Variants in ABCC4 observed in about 807,000 individuals in gnomAD.
ABCC4 encodes the protein ATP-binding cassette sub-family C member 4.
ABCC4 carries 102 observed loss-of-function variants against 168.5 expected under a neutral mutation model. The observed-to-expected ratio is 0.61, with a 90% CI of 0.52 to 0.71. ABCC4 has a LOEUF of 0.71. ABCC4 is among the 30% of genes least tolerant of loss of function. The pLI is 0.00. For synonymous variants in ABCC4, 617 were observed against 590.7 expected (o/e 1.04, Z -0.65); for missense variants, 1,402 against 1,605.8 (o/e 0.87, Z 2.17).
chr13:95,083,334 C>A, intron 20 of ABCC4, 44 bp from the exon 21 acceptor site: 1 of 1,600,448 alleles, frequency 6.2e-7, no homozygotes, highest in Non-Finnish European at 8.5e-7. Context: ...ATCAAGTATT[C>A]TTTTCAAAAA....
At chr13:95,065,079 G>GC (rs910810542) in intron 25 of ABCC4, among the ~76,000 whole-genome samples, 2 of 151,972 alleles carry the variant, frequency 1.3e-5, no homozygotes, top group Non-Finnish European at 1.5e-5. Context: ...ATACCCAACA[G>GC]CCCCCCTCCA....
chr13:95,052,305 A>G (rs1237571549), intron 27 of ABCC4, among the ~76,000 whole-genome samples: 1 of 152,198 alleles, frequency 6.6e-6, no homozygotes, highest in Admixed American at 6.5e-5. Flanking sequence ...TTTAAAAGCA[A>G]AAGACTAAAC....
intron 19 of ABCC4, among the ~76,000 whole-genome samples, chr13:95,133,610 G>A (rs560919473): frequency 6.6e-6 from 1 of 152,166 alleles, no homozygotes; most frequent in South Asian, 2.1e-4. Flanking sequence ...AGAGAGATGA[G>A]ACAGTAACAG....
chr13:95,118,371 G>A (rs572258099), intron 19 of ABCC4, among the ~76,000 whole-genome samples: 6 of 151,842 alleles, frequency 4.0e-5, no homozygotes, highest in Admixed American at 2.0e-4. Context: ...AGCCTCCCGC[G>A]TAGCTGAGAT....
intron 19 of ABCC4, among the ~76,000 whole-genome samples, chr13:95,133,264 C>T (rs2036036542): frequency 6.6e-6 from 1 of 151,696 alleles, no homozygotes; most frequent in Non-Finnish European, 1.5e-5. Context: ...CAGGCGTGCA[C>T]CACCACACCT....
At chr13:95,144,705 A>G (rs965207211) in intron 19 of ABCC4, among the ~76,000 whole-genome samples, 1 of 152,174 alleles carries the variant, frequency 6.6e-6, no homozygotes, top group Non-Finnish European at 1.5e-5. Context: ...CTACATCAAG[A>G]ATTAGAAAAC....
chr13:95,204,342 T>C (rs922005621), intron 8 of ABCC4, among the ~76,000 whole-genome samples: 1 of 152,180 alleles, frequency 6.6e-6, no homozygotes, highest in Non-Finnish European at 1.5e-5. Flanking sequence ...TGATACAGTT[T>C]GGCTCTGTGT....
intron 20 of ABCC4, among the ~76,000 whole-genome samples, chr13:95,102,703 ACTGTCTC>A (rs1383981775): frequency 6.7e-6 from 1 of 149,374 alleles, no homozygotes; most frequent in Non-Finnish European, 1.5e-5. Context: ...CACTGCAACC[ACTGTCTC>A]CTGGATTCAA....
At chr13:95,169,610 T>C (rs1226792587) in intron 14 of ABCC4, among the ~76,000 whole-genome samples, 1 of 152,136 alleles carries the variant, frequency 6.6e-6, no homozygotes, top group African/African-American at 2.4e-5. Context: ...TTCACGTCAC[T>C]GTACCTCAAG....
chr13:95,085,670 A>T, intron 20 of ABCC4, among the ~76,000 whole-genome samples: 1 of 152,178 alleles, frequency 6.6e-6, no homozygotes, highest in African/African-American at 2.4e-5. Context: ...ATCTTGACCC[A>T]CCAGCCCAGC....
intron 4 of ABCC4, among the ~76,000 whole-genome samples, chr13:95,212,372 T>C (rs888645772): frequency 6.6e-6 from 1 of 152,158 alleles, no homozygotes; most frequent in African/African-American, 2.4e-5. Context: ...CAGTCTTACA[T>C]ACAAAATGTT....
At chr13:95,029,455 A>C (rs1429074108) in intron 30 of ABCC4, among the ~76,000 whole-genome samples, 1 of 151,976 alleles carries the variant, frequency 6.6e-6, no homozygotes, top group Non-Finnish European at 1.5e-5. Context: ...AACAAAGTGG[A>C]GAAGAAGGTG....
intron 30 of ABCC4, among the ~76,000 whole-genome samples, chr13:95,027,361 C>G (rs990153902): frequency 6.6e-6 from 1 of 152,026 alleles, no homozygotes; most frequent in African/African-American, 2.4e-5. Context: ...TACTGAAAAG[C>G]ATTTCAAAAA....
chr13:95,217,064 G>C (rs565131611), intron 4 of ABCC4, among the ~76,000 whole-genome samples: 3 of 152,298 alleles, frequency 2.0e-5, no homozygotes, highest in Admixed American at 6.5e-5. Flanking sequence ...GTGAATGGTG[G>C]AAGTAAACAC....
At chr13:95,163,273 A>AT in intron 17 of ABCC4, 57 bp from the exon 18 acceptor site, 3 of 1,226,062 alleles carry the variant, frequency 2.4e-6, no homozygotes, top group Admixed American at 2.2e-5. Flanking sequence ...AGATAAATAC[A>AT]TTTTTTTAAA....
chr13:95,046,417 A>G (rs2032581869), intron 27 of ABCC4, among the ~76,000 whole-genome samples: 1 of 152,174 alleles, frequency 6.6e-6, no homozygotes. Context: ...CCCAGATAAC[A>G]GTGTCTTCTG....
At chr13:95,167,927 C>T (rs2037338143) in intron 14 of ABCC4, among the ~76,000 whole-genome samples, 1 of 152,098 alleles carries the variant, frequency 6.6e-6, no homozygotes, top group African/African-American at 2.4e-5. Flanking sequence ...AGTGCAATGG[C>T]GCGATCTCGG....
At chr13:95,108,425 G>C (rs963243012) in intron 20 of ABCC4, among the ~76,000 whole-genome samples, 2 of 152,150 alleles carry the variant, frequency 1.3e-5, no homozygotes, top group Non-Finnish European at 2.9e-5. Flanking sequence ...GAGGGACCCA[G>C]GGGGAGGTAA....
intron 4 of ABCC4, among the ~76,000 whole-genome samples, chr13:95,230,564 C>T (rs2039591334): frequency 6.6e-6 from 1 of 152,164 alleles, no homozygotes; most frequent in Non-Finnish European, 1.5e-5. Flanking sequence ...ATCGCGAGGT[C>T]AGTAGTTTGA....
Sources: gnomAD v4.1 joint callset for allele counts (sites outside exome capture counted in the v4.1 genomes callset) on GRCh38, gnomAD v4.1.1 for gene constraint, MANE v1.5 for transcripts, NCBI Gene and HGNC (gene_info 2026-07-23, HGNC 2026-07-21) for gene names.